DOK6: variants seen among roughly 807,000 people sequenced by gnomAD.
The protein encoded by DOK6 is docking protein 6.
Under a neutral mutation model 44.0 loss-of-function variants are expected in DOK6, and 22 were observed. That is an observed-to-expected ratio of 0.50 (90% CI 0.36 to 0.71). The LOEUF is 0.71. DOK6 is among the 30% of genes least tolerant of loss of function. DOK6 has a pLI of 0.00. For missense variants in DOK6, 340 were observed against 416.4 expected, an observed-to-expected ratio of 0.82 and a Z score of 1.60; for synonymous variants, 166 against 145.5, an observed-to-expected ratio of 1.14 and a Z score of -1.01.
rs1982400113 is a variant in DOK6 at position 69,848,397 on chromosome 18, A to G, written c.*7014A>G. 1 of 152,168 alleles carries G rather than the reference A, an allele frequency of 6.6e-6. No individual in the cohort carries two copies. Among genetic ancestry groups the G allele is most frequent in the Admixed American group, 6.5e-5 (1 of 15,274 alleles). The allele number at this position is 152,168 out of a possible 1,614,324, so 9.4% of individuals were successfully genotyped here. A position where few individuals can be genotyped will look rare whatever the true frequency, so the allele number is the denominator to read the frequency against. ...ATTTGCTTCTGTTGGAAAATACATGATTTGGCATACTTCATTTTTAGTAAC... is the reference window on the plus strand; with the variant it reads ...ATTTGCTTCTGTTGGAAAATACATGGTTTGGCATACTTCATTTTTAGTAAC... On this transcript the variant is annotated 3_prime_UTR_variant, in exon 8 of 8. Coordinates refer to ENST00000382713, the MANE Select transcript of DOK6 (RefSeq NM_152721.6).
intron 1 of DOK6, among the ~76,000 whole-genome samples, chr18:69,522,320 C>A (rs550103718): frequency 6.6e-6 from 1 of 151,772 alleles, no homozygotes; most frequent in East Asian, 1.9e-4. Flanking sequence ...TTCGGAGGTC[C>A]CCAAACACAA....
At chr18:69,561,536 C>A (rs1568296941) in intron 1 of DOK6, among the ~76,000 whole-genome samples, 2 of 151,990 alleles carry the variant, frequency 1.3e-5, no homozygotes, top group African/African-American at 4.8e-5. Context: ...AAGCACATAA[C>A]TACAACATTA....
intron 2 of DOK6, among the ~76,000 whole-genome samples, chr18:69,572,651 A>G (rs1182912248): frequency 6.6e-6 from 1 of 152,046 alleles, no homozygotes; most frequent in East Asian, 1.9e-4. Flanking sequence ...TGAAGGAAAA[A>G]GGAACAGCAT....
chr18:69,597,858 G>A (rs1174422445), intron 2 of DOK6, among the ~76,000 whole-genome samples: 2 of 152,228 alleles, frequency 1.3e-5, no homozygotes, highest in East Asian at 3.9e-4. Flanking sequence ...GTGTATTTAT[G>A]TTGGGGTTGT....
chr18:69,482,352 G>C (rs1229293638), intron 1 of DOK6, among the ~76,000 whole-genome samples: 1 of 150,458 alleles, frequency 6.6e-6, no homozygotes, highest in African/African-American at 2.5e-5. Context: ...TTTAAACTGG[G>C]CTTGGCACGA....
chr18:69,788,500 A>G (rs1488892557), intron 7 of DOK6, among the ~76,000 whole-genome samples: 1 of 151,966 alleles, frequency 6.6e-6, no homozygotes, highest in Non-Finnish European at 1.5e-5. Context: ...GATATGTAAC[A>G]CATAAAAATT....
Position 69,625,440 on chromosome 18 carries a change from T to C in DOK6, c.289+25942T>C, listed in dbSNP as rs77735054. 7.9e-5 allele frequency among the ~76,000 whole-genome samples: 12 copies of C among 152,318 alleles called. No individual in the cohort carries two copies. The East Asian group carries it at 2.3e-3, about 29-fold the overall frequency. On this transcript the variant is annotated intron_variant, in intron 3 of 7. Coordinates refer to ENST00000382713, the MANE Select transcript of DOK6 (RefSeq NM_152721.6). The stretch of plus-strand genomic sequence containing the variant: ...CTGCTTTTAAAGATATGTTTTACTG[T>C]AGCCCATACACATAATAAGGGACCA...
Position 69,848,825 on chromosome 18 carries a change from A to G in DOK6, c.*7442A>G, listed in dbSNP as rs1264492837. On this transcript the variant is annotated 3_prime_UTR_variant, in exon 8 of 8. Coordinates refer to ENST00000382713, the MANE Select transcript of DOK6 (RefSeq NM_152721.6). ...CTTAAAGGTAAAGCAGTTCAAAAAT[A>G]CTACTTTACATCACAACTTTGCATG... 1 of 152,242 alleles carries G rather than the reference A, an allele frequency of 6.6e-6. No individual in the cohort carries two copies. The highest frequency in any genetic ancestry group is 2.4e-5 in the African/African-American group (1 of 41,464). 9.4% of individuals were successfully genotyped at this position (152,242 alleles called of 1,614,324 possible).
chr18:69,523,645 C>T (rs1981747935), intron 1 of DOK6, among the ~76,000 whole-genome samples: 1 of 147,558 alleles, frequency 6.8e-6, no homozygotes, highest in African/African-American at 2.5e-5. Context: ...ATTGATCTCC[C>T]ACCAAAGAAA....
intron 4 of DOK6, among the ~76,000 whole-genome samples, chr18:69,697,017 GA>G (rs1175259717): frequency 2.6e-5 from 4 of 152,144 alleles, no homozygotes; most frequent in Non-Finnish European, 5.9e-5. Flanking sequence ...TAATCTAAAA[GA>G]CTGAATTATT....
chr18:69,666,877 G>A (rs1317443094), intron 3 of DOK6, among the ~76,000 whole-genome samples: 1 of 152,178 alleles, frequency 6.6e-6, no homozygotes, highest in Admixed American at 6.5e-5. Flanking sequence ...CAACTCAAGG[G>A]AGCTTTCCTC....
intron 2 of DOK6, among the ~76,000 whole-genome samples, chr18:69,573,472 T>A (rs1983166180): frequency 6.6e-6 from 1 of 151,984 alleles, no homozygotes; most frequent in Admixed American, 6.6e-5. Context: ...TTTCCTTTCA[T>A]AGCATTGGAA....
intron 7 of DOK6, among the ~76,000 whole-genome samples, chr18:69,780,912 G>T (rs1009433214): frequency 2.6e-5 from 4 of 152,092 alleles, no homozygotes; most frequent in Admixed American, 6.6e-5. Flanking sequence ...ATATTTATGG[G>T]CTGTCTATGG....
chr18:69,625,154 T>C (rs544985026), intron 3 of DOK6, among the ~76,000 whole-genome samples: 1 of 152,284 alleles, frequency 6.6e-6, no homozygotes, highest in South Asian at 2.1e-4. Context: ...TTTAAAAGGC[T>C]AGAAAGCAAT....
chr18:69,542,445 A>G (rs1982293656), intron 1 of DOK6, among the ~76,000 whole-genome samples: 1 of 151,466 alleles, frequency 6.6e-6, no homozygotes, highest in Non-Finnish European at 1.5e-5. Flanking sequence ...CTGCTACCCT[A>G]TGAAAGTGAT....
Position 69,781,678 on chromosome 18 carries a change from A to G in DOK6, c.856+23805A>G, listed in dbSNP as rs146770806. On this transcript the variant is annotated intron_variant, in intron 7 of 7. Coordinates refer to ENST00000382713, the MANE Select transcript of DOK6 (RefSeq NM_152721.6). ...TTAAAATAGTGTTATGCAGGATTAT[A>G]TAATATTCGTTATTTTAATTAACAT... Among the ~76,000 whole-genome samples the G allele has an allele frequency of 7.0e-3, 1,062 of 152,308 alleles. 4 individuals carry two copies. Among genetic ancestry groups the G allele is most frequent in the Non-Finnish European group, 1.0e-2 (678 of 68,010 alleles).
chr18:69,815,293 G>A (rs975709245), intron 7 of DOK6, among the ~76,000 whole-genome samples: 1 of 152,152 alleles, frequency 6.6e-6, no homozygotes, highest in African/African-American at 2.4e-5. Flanking sequence ...GGGAGGGCAA[G>A]GAGGGAAGAT....
At chr18:69,488,833 A>G (rs147508691) in intron 1 of DOK6, among the ~76,000 whole-genome samples, 91 of 152,274 alleles carry the variant, frequency 6.0e-4, no homozygotes, top group African/African-American at 2.1e-3. Context: ...TATCATCATG[A>G]TTCACTTATG....
chr18:69,811,458 C>T (rs1981222303), intron 7 of DOK6, among the ~76,000 whole-genome samples: 1 of 147,938 alleles, frequency 6.8e-6, no homozygotes, highest in Admixed American at 6.7e-5. Flanking sequence ...TAAGTTCTGT[C>T]TCTATAAAAA....
Sources: allele counts gnomAD v4.1 joint callset (sites outside exome capture counted in the v4.1 genomes callset), GRCh38; gene constraint gnomAD v4.1.1; transcripts MANE v1.5; gene names NCBI Gene and HGNC (gene_info 2026-07-23, HGNC 2026-07-21).